The following SHTN1 variants were observed in gnomAD, a reference collection of about 807,000 sequenced individuals.
SHTN1 encodes the protein shootin 1.
A neutral mutation model predicts 83.1 loss-of-function variants in SHTN1; 42 were observed. The observed-to-expected ratio is 0.51, with a 90% CI of 0.39 to 0.65. SHTN1 has a LOEUF of 0.65. SHTN1 is among the 30% of genes least tolerant of loss of function. The pLI, the probability that SHTN1 is intolerant of heterozygous loss-of-function variation, is 0.00. For synonymous variants in SHTN1, 224 were observed against 247.7 expected, an observed-to-expected ratio of 0.90 and a Z score of 0.90; for missense variants, 622 against 737.8, an observed-to-expected ratio of 0.84 and a Z score of 1.82.
intron 2 of SHTN1, 122 bp from the exon 3 acceptor site, chr10:116,968,834 T>A (rs1850493801): frequency 4.2e-6 from 3 of 720,304 alleles, no homozygotes; most frequent in Non-Finnish European, 4.7e-6. Flanking sequence ...ATTTAAAACC[T>A]TTGAAAAGCA....
intron 1 of SHTN1, among the ~76,000 whole-genome samples, chr10:117,100,006 C>A (rs967459234): frequency 1.3e-5 from 2 of 151,656 alleles, no homozygotes; most frequent in African/African-American, 4.8e-5. Context: ...GGAGAAACCC[C>A]GTCTCTACTA....
chr10:116,948,889 T>G, intron 7 of SHTN1, 27 bp downstream of exon 7: 1 of 1,485,586 alleles, frequency 6.7e-7, no homozygotes, highest in East Asian at 2.4e-5. Context: ...CATACGTATT[T>G]GAGAAAAAAA....
At chr10:117,045,547 T>A (rs781082056) in intron 2 of SHTN1, among the ~76,000 whole-genome samples, 4 of 152,136 alleles carry the variant, frequency 2.6e-5, no homozygotes, top group Non-Finnish European at 4.4e-5. Context: ...GGAAAGCCCA[T>A]ATACAACAGT....
intron 16 of SHTN1, among the ~76,000 whole-genome samples, chr10:116,898,374 A>G (rs1847596736): frequency 6.6e-6 from 1 of 151,882 alleles, no homozygotes; most frequent in South Asian, 2.1e-4. Flanking sequence ...TTTGATACCC[A>G]CCCACTGATT....
chr10:116,944,888 T>G (rs1324200048), intron 8 of SHTN1, 36 bp downstream of exon 8: 1 of 1,370,926 alleles, frequency 7.3e-7, no homozygotes, highest in Non-Finnish European at 1.0e-6. Context: ...AGACTCTGTC[T>G]CAAGAAAAAA....
At chr10:117,108,450 T>C (rs898616675) in intron 1 of SHTN1, among the ~76,000 whole-genome samples, 3 of 150,264 alleles carry the variant, frequency 2.0e-5, no homozygotes, top group Non-Finnish European at 3.0e-5. Context: ...AGCAAACTAT[T>C]GCAAGGACAA....
intron 1 of SHTN1, among the ~76,000 whole-genome samples, chr10:117,108,963 T>C (rs976129891): frequency 6.6e-5 from 10 of 152,152 alleles, no homozygotes; most frequent in Non-Finnish European, 1.3e-4. Context: ...GGGAACGTGA[T>C]GGAAAGGCAA....
chr10:117,081,789 TC>T (rs1275252440), intron 1 of SHTN1, among the ~76,000 whole-genome samples: 12 of 150,136 alleles, frequency 8.0e-5, no homozygotes, highest in African/African-American at 2.7e-4. Flanking sequence ...AAGGAATTTA[TC>T]CATTTCTTCT....
At chr10:116,932,657 G>C (rs1392531124) in intron 9 of SHTN1, among the ~76,000 whole-genome samples, 1 of 152,038 alleles carries the variant, frequency 6.6e-6, no homozygotes, top group African/African-American at 2.4e-5. Context: ...CAGTAGGTTA[G>C]GTATATTATT....
intron 1 of SHTN1, among the ~76,000 whole-genome samples, chr10:116,983,683 G>C (rs202221642): frequency 0.016 from 230 of 14,706 alleles, 1 homozygote; most frequent in South Asian, 0.069. Flanking sequence ...TAGATAGATA[G>C]ATAAATACAT....
chr10:117,065,842 AAGG>A (rs1852989067), intron 1 of SHTN1, among the ~76,000 whole-genome samples: 6 of 49,552 alleles, frequency 1.2e-4, no homozygotes, highest in African/African-American at 2.7e-4. Context: ...GGAAGGAAGG[AAGG>A]AAGGAAGGAA....
In SHTN1 at chr10:116,945,053, A is replaced by G. The variant is rs753215297; in HGVS notation, c.617-35T>C. 1.4e-5 allele frequency: 17 copies of G among 1,229,888 alleles called. 1 individual carries two copies. The highest frequency in any genetic ancestry group is 2.3e-5 in the East Asian group (1 of 43,062). The allele number at this position is 1,229,888 out of a possible 1,614,324, so 76.2% of individuals were successfully genotyped here. A position where few individuals can be genotyped will look rare whatever the true frequency, so the allele number is the denominator to read the frequency against. On this transcript the variant is annotated intron_variant, in intron 7 of 16. Transcript: ENST00000355371. ...ATAAAGGAAAAAAAAAACCCAGACA[A>G]TAAGTCACACAAATAATCAGGAATA... is the stretch of plus-strand genomic sequence containing the variant.
Position 116,885,739 on chromosome 10 carries a change from G to A in SHTN1, c.*605C>T, listed in dbSNP as rs1847145791. 6.6e-6 allele frequency: 1 copy of A among 152,642 alleles called. No individual in the cohort carries two copies. Among genetic ancestry groups the A allele is most frequent in the African/African-American group, 2.4e-5 (1 of 41,434 alleles). 9.5% of individuals were successfully genotyped at this position (152,642 alleles called of 1,614,324 possible). A position where few individuals can be genotyped will look rare whatever the true frequency, so the allele number is the denominator to read the frequency against. On this transcript the variant is annotated 3_prime_UTR_variant, in exon 17 of 17. Coordinates refer to ENST00000355371, the MANE Select transcript of SHTN1 (RefSeq NM_001127211.3). The stretch of plus-strand genomic sequence containing the variant: ...AGGCTTTGGACACAATCAATAGCAT[G>A]TATTTTTCATCCAATAGTTAACAAT...
chr10:117,112,291 G>T lies in SHTN1; in HGVS notation c.-189+14016C>A, dbSNP rs901859359. 3.3e-5 allele frequency among the ~76,000 whole-genome samples: 5 copies of T among 151,998 alleles called. No individual in the cohort carries two copies. In the East Asian group the frequency reaches 9.7e-4, roughly 29 times the overall value. On this transcript the variant is annotated intron_variant, in intron 1 of 17. Coordinates refer to the SHTN1 transcript ENST00000392901. ...CCAGTTCTCTTAATAATAAAGTCCT[G>T]GTCATCAGAAGCAGGATCTCCAGTC...
chr10:117,088,565 A>C (rs1206580901), intron 1 of SHTN1, among the ~76,000 whole-genome samples: 1 of 152,182 alleles, frequency 6.6e-6, no homozygotes, highest in African/African-American at 2.4e-5. Flanking sequence ...TTCCCAGGAG[A>C]ATGATGAACT....
intron 1 of SHTN1, among the ~76,000 whole-genome samples, chr10:117,057,100 T>C (rs550113224): frequency 1.3e-5 from 2 of 152,286 alleles, no homozygotes; most frequent in East Asian, 1.9e-4. Flanking sequence ...AGAACATGAC[T>C]GTTTACATAG....
Position 116,995,740 on chromosome 10 carries a change from A to C in SHTN1, c.58+9282T>G, listed in dbSNP as rs142616409. Reference sequence around the variant, plus strand: ...TTTCTGATATGACCAGTTTTTGGGAACTGAGGTCCCTAGAGGAACCTCAGT... The same window carrying C: ...TTTCTGATATGACCAGTTTTTGGGACCTGAGGTCCCTAGAGGAACCTCAGT... On this transcript the variant is annotated intron_variant, in intron 1 of 16. Transcript: ENST00000355371. 2.4e-3 allele frequency among the ~76,000 whole-genome samples: 366 copies of C among 151,924 alleles called. 2 individuals are homozygous for C. The highest frequency in any genetic ancestry group is 8.3e-3 in the African/African-American group (345 of 41,432).
chr10:117,017,946 A>T (rs1852204889), intron 2 of SHTN1, among the ~76,000 whole-genome samples: 1 of 152,234 alleles, frequency 6.6e-6, no homozygotes, highest in African/African-American at 2.4e-5. Flanking sequence ...AAAGAAAGAC[A>T]AACACAACTT....
exon 1 of SHTN1, chr10:117,126,328 G>A (rs1431421170): frequency 1.8e-5 from 3 of 163,890 alleles, no homozygotes; most frequent in Admixed American, 6.0e-5. Flanking sequence ...TGAGGCCCCG[G>A]CCTCCGTCGA....
Sources: gnomAD v4.1 joint callset for allele counts (sites outside exome capture counted in the v4.1 genomes callset) on GRCh38, gnomAD v4.1.1 for gene constraint, MANE v1.5 for transcripts, NCBI Gene and HGNC (gene_info 2026-07-23, HGNC 2026-07-21) for gene names.